The following CDHR1 variants were observed in gnomAD, a reference collection of about 807,000 sequenced individuals.
CDHR1 encodes cadherin-related family member 1.
CDHR1 carries 61 observed loss-of-function variants against 72.1 expected under a neutral mutation model. The ratio of observed to expected loss-of-function variants is 0.85; its 90% CI spans 0.69 to 1.05. The LOEUF is 1.05. Among genes scored for constraint, CDHR1 ranks in the 50% least tolerant of loss-of-function variants. The pLI is 0.00. For synonymous variants in CDHR1, 470 were observed against 448.1 expected (o/e 1.05, Z -0.62); for missense variants, 1,186 against 1,115.7 (o/e 1.06, Z -0.90).
rs777623351 is a variant in CDHR1 at position 84,213,123 on chromosome 10, C to A, written c.1815C>A (p.Asn605Lys). Residue 605 changes from asparagine (N) to lysine (K), a missense_variant, in exon 16 of 17, where the codon AAC (asparagine) becomes AAA (lysine). Transcript: ENST00000623527. ...ACGAGGATGCAGAGGAACCCAACAA[C>A]CTGGTGGACTATTCCATCACCCATG... ...AIDEDAEEPN[N>K]LVDYSITHAE... 5 of 1,614,248 alleles carry A rather than the reference C, an allele frequency of 3.1e-6. No homozygotes were observed. Among genetic ancestry groups the A allele is most frequent in the Non-Finnish European group, 4.2e-6 (5 of 1,180,052 alleles).
Position 84,204,406 on chromosome 10 carries a change from G to A in CDHR1, c.784-121G>A, listed in dbSNP as rs537643483. The A allele has an allele frequency of 3.0e-5, 23 of 763,116 alleles. 1 individual carries two copies. The highest frequency in any genetic ancestry group is 7.6e-5 in the East Asian group (3 of 39,526). The allele number at this position is 763,116 out of a possible 1,614,324, so 47.3% of individuals were successfully genotyped here. On this transcript the variant is annotated intron_variant, in intron 8 of 16. Coordinates refer to ENST00000623527, the MANE Select transcript of CDHR1 (RefSeq NM_033100.4). ...GAGTAGGGCCATGCTCCACCGCCACGTAGAGGCCTGACCCTTTCCTAGGTG... is the reference window on the plus strand; with the variant it reads ...GAGTAGGGCCATGCTCCACCGCCACATAGAGGCCTGACCCTTTCCTAGGTG...
At chr10:84,202,027 A>T in intron 7 of CDHR1, 107 bp downstream of exon 7, 1 of 814,074 alleles carries the variant, frequency 1.2e-6, no homozygotes, top group Non-Finnish European at 2.1e-6. Flanking sequence ...AGGAGACATG[A>T]TGGGCGTGGG....
chr10:84,219,255 A>G, downstream of CDHR1: 1 of 1,550,702 alleles, frequency 6.4e-7, no homozygotes, highest in Non-Finnish European at 8.7e-7. Flanking sequence ...GAGTTTTTCA[A>G]GGGGCAGCCC....
Position 84,211,015 on chromosome 10 carries a change from A to C in CDHR1, c.1335A>C (p.Glu445Asp). 6.2e-7 allele frequency: 1 copy of C among 1,614,218 alleles called. No homozygotes were observed. Among genetic ancestry groups the C allele is most frequent in the Non-Finnish European group, 8.5e-7 (1 of 1,180,034 alleles). ...CCCCTTCCCAGCTCCTGGCTGTTGAAGTGAACACCCCAGAGAAGTTCAGTT... is the reference window on the plus strand; with the variant it reads ...CCCCTTCCCAGCTCCTGGCTGTTGACGTGAACACCCCAGAGAAGTTCAGTT... ...KVLTFKLLAV[E>D]VNTPEKFSST... The change falls in exon 13 of 17, where the codon GAA becomes GAC. Residue 445 changes from glutamate to aspartate, a missense_variant. Glu to Asp is a conservative substitution (Grantham distance 45, BLOSUM62 2). Transcript: ENST00000623527.
intron 15 of CDHR1, 179 bp from the exon 16 acceptor site, chr10:84,212,912 C>A: frequency 1.3e-6 from 1 of 755,258 alleles, no homozygotes; most frequent in South Asian, 1.6e-5. Context: ...GTAAGACCTA[C>A]GTAAACCCTG....
rs777940870 is a variant in CDHR1, at chr10:84,203,017, T to C, written c.677T>C (p.Phe226Ser). ...GGRLHGADVV[F>S]SATTTVTVNV... is the part of the protein sequence containing the mutation. ...AGGCTTCATGGGGCTGATGTGGTGT[T>C]CTCAGCCACCACCACGGTCACGGTC... Residue 226 changes from phenylalanine to serine, a missense_variant, in exon 8 of 17, where the codon TTC (phenylalanine) becomes TCC (serine). Phe to Ser is a radical substitution (Grantham distance 155). Coordinates refer to ENST00000623527, the MANE Select transcript of CDHR1 (RefSeq NM_033100.4). 5.6e-5 allele frequency: 91 copies of C among 1,614,026 alleles called. No homozygotes were observed. The highest frequency in any genetic ancestry group is 1.2e-4 in the Admixed American group (7 of 60,008).
chr10:84,218,416 A>G lies in CDHR1; in HGVS notation c.*3795A>G. ...TCGGTTATTTATTCATTTCTCAATA[A>G]TTTACTCAGCCATTCCTAGGGTGAC... On this transcript the variant is annotated 3_prime_UTR_variant, in exon 17 of 17. Transcript: ENST00000623527. 4 of 985,396 alleles carry G rather than the reference A, an allele frequency of 4.1e-6. No homozygotes were observed. The highest frequency in any genetic ancestry group is 4.8e-6 in the Non-Finnish European group (4 of 829,918). 61.0% of individuals were successfully genotyped at this position (985,396 alleles called of 1,614,324 possible).
intron 5 of CDHR1, among the ~76,000 whole-genome samples, chr10:84,200,126 C>T (rs1159842025): frequency 1.3e-5 from 2 of 151,070 alleles, no homozygotes; most frequent in Admixed American, 1.3e-4. Flanking sequence ...GCCAAGATCA[C>T]GCCATTGCAC....
chr10:84,213,327 G>C lies in CDHR1; in HGVS notation c.2019G>C (p.Lys673Asn). 6.2e-7 allele frequency: 1 copy of C among 1,614,174 alleles called. No homozygotes were observed. Among genetic ancestry groups the C allele is most frequent in the South Asian group, 1.1e-5 (1 of 91,078 alleles). The change falls in exon 16 of 17, where the codon AAG (lysine) becomes AAC (asparagine). Residue 673 changes from lysine to asparagine, a missense_variant. Physicochemically the swap from Lys to Asn is moderately conservative, Grantham distance 94 (BLOSUM62 0). Coordinates refer to ENST00000623527, the MANE Select transcript of CDHR1 (RefSeq NM_033100.4). ...SPSFSTTALL[K>N]IDITDAETLS... Reference sequence around the variant, plus strand: ...CCTTCAGCACCACAGCCTTACTCAAGATTGACATCACAGATGCTGAGGTGA... The same window carrying C: ...CCTTCAGCACCACAGCCTTACTCAACATTGACATCACAGATGCTGAGGTGA...
At chr10:84,202,893 G>A in intron 7 of CDHR1, 87 bp from the exon 8 acceptor site, 1 of 1,496,866 alleles carries the variant, frequency 6.7e-7, no homozygotes, top group Non-Finnish European at 9.3e-7. Flanking sequence ...ACAGCCATAG[G>A]TGGCAGAAGC....
rs549520103 is a variant in CDHR1 at position 84,204,320 on chromosome 10, G to A, written c.784-207G>A. On this transcript the variant is annotated intron_variant, in intron 8 of 16. Coordinates refer to ENST00000623527, the MANE Select transcript of CDHR1 (RefSeq NM_033100.4). ...ACCCCTACTGGTGAGAAAGAAGCAG[G>A]GGCTCAGGCTATCCCTCCAGCCCTG... Among the ~76,000 whole-genome samples, 4 of 152,262 alleles carry A rather than the reference G, an allele frequency of 2.6e-5. No homozygotes were observed. In the East Asian group the frequency reaches 7.7e-4, roughly 29 times the overall value.
intron 12 of CDHR1, 76 bp from the exon 13 acceptor site, chr10:84,210,925 T>C (rs1237958710): frequency 5.4e-6 from 8 of 1,487,288 alleles, no homozygotes; most frequent in African/African-American, 1.4e-5. Context: ...ACATCAGTCC[T>C]GGGGAGATGA....
In CDHR1 at chr10:84,218,080, G is replaced by C; in HGVS notation, c.*3459G>C. ...CCTGCCAGGGGTGTTGGCATCTGTTGACAGGCAGTGGCACATCCTGACAGT... is the reference window on the plus strand; with the variant it reads ...CCTGCCAGGGGTGTTGGCATCTGTTCACAGGCAGTGGCACATCCTGACAGT... On this transcript the variant is annotated 3_prime_UTR_variant, in exon 17 of 17. Coordinates refer to ENST00000623527, the MANE Select transcript of CDHR1 (RefSeq NM_033100.4). 1 of 985,488 alleles carries C rather than the reference G, an allele frequency of 1.0e-6. No homozygotes were observed. The highest frequency in any genetic ancestry group is 1.2e-6 in the Non-Finnish European group (1 of 829,942). The allele number at this position is 985,488 out of a possible 1,614,324, so 61.0% of individuals were successfully genotyped here.
Position 84,196,629 on chromosome 10 carries a change from G to C in CDHR1, c.276G>C (p.Leu92=). Residue 92 remains leucine, a synonymous_variant, in exon 3 of 17, where the codon CTG becomes CTC. Coordinates refer to ENST00000623527, the MANE Select transcript of CDHR1 (RefSeq NM_033100.4). ...ACCCCACTTTTGGAAACATCACCCT[G>C]GTTGAAGAGCTGGACAGAGAGGTAT... is the stretch of plus-strand genomic sequence containing the variant. The part of the protein sequence containing the change: ...SVDPTFGNIT[L]VEELDRERED... 6.2e-7 allele frequency: 1 copy of C among 1,614,206 alleles called. No individual in the cohort carries two copies. The highest frequency in any genetic ancestry group is 8.5e-7 in the Non-Finnish European group (1 of 1,180,042).
chr10:84,215,781 C>T lies in CDHR1; in HGVS notation c.*1160C>T. The T allele has an allele frequency of 2.0e-6, 2 of 985,502 alleles. No individual in the cohort carries two copies. The highest frequency in any genetic ancestry group is 2.4e-6 in the Non-Finnish European group (2 of 829,960). 61.0% of individuals were successfully genotyped at this position (985,502 alleles called of 1,614,324 possible). ...ACTCTGCCAAGCGCCCCAGCAGGCA[C>T]TGTGCTGGGCTTAGGGGCTACCACT... On this transcript the variant is annotated 3_prime_UTR_variant, in exon 17 of 17. Coordinates refer to ENST00000623527, the MANE Select transcript of CDHR1 (RefSeq NM_033100.4).
At chr10:84,212,140 T>C in intron 14 of CDHR1, 39 bp from the exon 15 acceptor site, 3 of 1,497,596 alleles carry the variant, frequency 2.0e-6, no homozygotes, top group Non-Finnish European at 2.8e-6. Context: ...CATATGTGTA[T>C]ATGCGTGCAC....
intron 9 of CDHR1, 35 bp downstream of exon 9, chr10:84,204,640 A>T: frequency 1.4e-6 from 2 of 1,439,914 alleles, no homozygotes; most frequent in South Asian, 1.1e-5. Flanking sequence ...TGCAGCTTTG[A>T]CTCTCTAGGT....
rs371108611 is a variant in CDHR1, at chr10:84,214,101, T to C, written c.2060T>C (p.Met687Thr). The change falls in exon 17 of 17, where the codon ATG (methionine) becomes ACG (threonine). Residue 687 changes from methionine (M) to threonine (T), a missense_variant. Physicochemically the swap from Met to Thr is moderately conservative, Grantham distance 81. Coordinates refer to ENST00000623527, the MANE Select transcript of CDHR1 (RefSeq NM_033100.4). ...TTTCAGACCCTCTCCCGGAGCCCCA[T>C]GGCTGCCTTCCTGATACAGACCAAG... is the stretch of plus-strand genomic sequence containing the variant. ...TDAETLSRSP[M>T]AAFLIQTKDN... 175 of 1,614,032 alleles carry C rather than the reference T, an allele frequency of 1.1e-4. No homozygotes were observed. Among genetic ancestry groups the C allele is most frequent in the Non-Finnish European group, 1.3e-4 (150 of 1,180,036 alleles).
chr10:84,197,263 G>A (rs1225451051), intron 3 of CDHR1, among the ~76,000 whole-genome samples: 1 of 152,118 alleles, frequency 6.6e-6, no homozygotes, highest in Non-Finnish European at 1.5e-5. Flanking sequence ...CAGCAGTGGA[G>A]CCTGACTGTG....
Sources: allele counts gnomAD v4.1 joint callset (sites outside exome capture counted in the v4.1 genomes callset), GRCh38; gene constraint gnomAD v4.1.1; transcripts MANE v1.5; gene names NCBI Gene and HGNC (gene_info 2026-07-23, HGNC 2026-07-21).